NXPE4: variants seen among roughly 807,000 people sequenced by gnomAD.
The protein encoded by NXPE4 is NXPE family member 4.
Under a neutral mutation model 33.3 loss-of-function variants are expected in NXPE4, and 42 were observed. The ratio of observed to expected loss-of-function variants is 1.26; its 90% CI spans 0.98 to 1.63. The LOEUF (loss-of-function observed/expected upper bound fraction) is 1.63, where lower values mean the gene tolerates loss of function less well. NXPE4 is among the 40% of genes most tolerant of loss of function. The probability of loss-of-function intolerance (pLI) is 0.00; values close to 1 mark genes in which losing one functional copy is unlikely to be tolerated. For missense variants in NXPE4, 709 were observed against 647.6 expected, an observed-to-expected ratio of 1.09 and a Z score of -1.03; for synonymous variants, 253 against 234.9, an observed-to-expected ratio of 1.08 and a Z score of -0.71.
chr11:114,602,783 G>A, the NXPE4 span, among the ~76,000 whole-genome samples: 1 of 142,222 alleles, frequency 7.0e-6, no homozygotes, highest in Non-Finnish European at 1.5e-5. Context: ...ACAGAATAAT[G>A]TATAATAATT....
At chr11:114,626,462 G>A in the NXPE4 span, among the ~76,000 whole-genome samples, 4 of 152,210 alleles carry the variant, frequency 2.6e-5, no homozygotes, top group South Asian at 2.1e-4. Context: ...TGCAGCTGAC[G>A]GTCCTGTCTG....
intron 5 of NXPE4, 109 bp from the exon 6 acceptor site, chr11:114,571,582 G>A: frequency 9.7e-7 from 1 of 1,034,274 alleles, no homozygotes. Context: ...AGCTAATCAT[G>A]TCTAATTTAT....
chr11:114,641,142 A>C, the NXPE4 span, among the ~76,000 whole-genome samples: 1 of 152,084 alleles, frequency 6.6e-6, no homozygotes, highest in South Asian at 2.1e-4. Flanking sequence ...GTATACAAAA[A>C]TCAAATTAGT....
At chr11:114,609,548 T>C in the NXPE4 span, among the ~76,000 whole-genome samples, 2 of 151,826 alleles carry the variant, frequency 1.3e-5, no homozygotes, top group African/African-American at 2.4e-5. Context: ...ACCCAATGGA[T>C]AATGAGTATT....
At chr11:114,590,580 T>C (rs181089649) in intron 2 of NXPE4, among the ~76,000 whole-genome samples, 1 of 152,208 alleles carries the variant, frequency 6.6e-6, no homozygotes, top group Non-Finnish European at 1.5e-5. Flanking sequence ...AAGCAAGCCT[T>C]ACTTAAGGTA....
chr11:114,621,391 G>A, the NXPE4 span, among the ~76,000 whole-genome samples: 2 of 151,614 alleles, frequency 1.3e-5, no homozygotes, highest in African/African-American at 4.8e-5. Flanking sequence ...CTGTTATCTC[G>A]TGGGTAACCA....
At chr11:114,601,978 T>G in the NXPE4 span, among the ~76,000 whole-genome samples, 1 of 77,356 alleles carries the variant, frequency 1.3e-5, no homozygotes, top group Non-Finnish European at 2.3e-5. Context: ...TATATTCTGT[T>G]ATATATAATA....
At chr11:114,637,127 C>T in the NXPE4 span, among the ~76,000 whole-genome samples, 1 of 151,666 alleles carries the variant, frequency 6.6e-6, no homozygotes, top group Non-Finnish European at 1.5e-5. Flanking sequence ...TCAGGACTTG[C>T]TTTATGAATC....
At chr11:114,639,780 A>T in the NXPE4 span, among the ~76,000 whole-genome samples, 3 of 127,128 alleles carry the variant, frequency 2.4e-5, no homozygotes, top group African/African-American at 6.1e-5. Flanking sequence ...AATAATATAA[A>T]ATATAATATA....
chr11:114,575,068 A>G (rs897064402), intron 5 of NXPE4, among the ~76,000 whole-genome samples: 1 of 152,174 alleles, frequency 6.6e-6, no homozygotes. Context: ...GATACACCAT[A>G]TAAATAGAAT....
rs921407024 is a variant in NXPE4 at position 114,582,410 on chromosome 11, T to C, written c.708A>G (p.Arg236=). 2.7e-5 allele frequency: 44 copies of C among 1,614,090 alleles called. No individual in the cohort carries two copies. The highest frequency in any genetic ancestry group is 3.6e-5 in the Non-Finnish European group (43 of 1,180,032). ...NAELCQYLDN[R]DQEGFYCVRP... ...TCACACAGTAGAAGCCTTCTTGGTC[T>C]CTGTTGTCCAGGTACTGGCACAATT... Residue 236 remains arginine (R), a synonymous_variant, in exon 3 of 6, where the codon AGA becomes AGG. Transcript: ENST00000375478.
the NXPE4 span, among the ~76,000 whole-genome samples, chr11:114,624,296 C>T: frequency 1.5e-4 from 23 of 151,386 alleles, no homozygotes; most frequent in South Asian, 2.7e-3. Flanking sequence ...CACTGTTACC[C>T]GGTGGATAAT....
chr11:114,599,963 A>C (rs1949619125), upstream of NXPE4, among the ~76,000 whole-genome samples: 1 of 152,154 alleles, frequency 6.6e-6, no homozygotes, highest in Non-Finnish European at 1.5e-5. Context: ...CAAGTAAATA[A>C]TAGCATAAAT....
At position 114,594,755 on chromosome 11, in the gene NXPE4, T is replaced by C; in HGVS notation, c.5A>G (p.Lys2Arg). M[K>R]ISMINYKSLL... ...TGACTTATAATTTATCATACTTATT[T>C]TCATGATTAGGATCCTACAAGAGAC... is the stretch of plus-strand genomic sequence containing the variant. Residue 2 changes from lysine (K) to arginine (R), a missense_variant, in exon 2 of 6, where the codon AAA (lysine) becomes AGA (arginine). Coordinates refer to ENST00000375478, the MANE Select transcript of NXPE4 (RefSeq NM_001077639.2). 1 of 1,494,482 alleles carries C rather than the reference T, an allele frequency of 6.7e-7. No homozygotes were observed. Among genetic ancestry groups the C allele is most frequent in the Non-Finnish European group, 9.3e-7 (1 of 1,078,322 alleles). 92.6% of individuals were successfully genotyped at this position (1,494,482 alleles called of 1,614,324 possible).
chr11:114,601,862 CA>C, the NXPE4 span, among the ~76,000 whole-genome samples: 1 of 10,054 alleles, frequency 9.9e-5, no homozygotes, highest in African/African-American at 5.4e-4. Context: ...ATATAATATA[CA>C]ATTATATATA....
At chr11:114,605,115 G>A in the NXPE4 span, among the ~76,000 whole-genome samples, 1 of 151,690 alleles carries the variant, frequency 6.6e-6, no homozygotes, top group South Asian at 2.1e-4. Context: ...GTTACCCTGT[G>A]GAAGATAAGT....
the NXPE4 span, among the ~76,000 whole-genome samples, chr11:114,635,836 G>A: frequency 3.9e-5 from 6 of 152,010 alleles, no homozygotes; most frequent in Non-Finnish European, 5.9e-5. Flanking sequence ...TGGTGGATAA[G>A]CTTTTTGATG....
At chr11:114,592,989 T>C (rs1949496191) in intron 2 of NXPE4, among the ~76,000 whole-genome samples, 1 of 151,978 alleles carries the variant, frequency 6.6e-6, no homozygotes, top group Admixed American at 6.6e-5. Context: ...AAGAATGAAA[T>C]TAGACCATTT....
the NXPE4 span, among the ~76,000 whole-genome samples, chr11:114,660,627 C>T: frequency 1.0e-3 from 155 of 152,028 alleles, 1 homozygote; most frequent in Admixed American, 8.3e-3. Context: ...TCGATAAAGG[C>T]ATTTAGGAAA....
Sources: allele counts gnomAD v4.1 joint callset (sites outside exome capture counted in the v4.1 genomes callset), GRCh38; gene constraint gnomAD v4.1.1; transcripts MANE v1.5; gene names NCBI Gene and HGNC (gene_info 2026-07-23, HGNC 2026-07-21).